The following PEX14 variants were observed in gnomAD, a reference collection of about 807,000 sequenced individuals.
PEX14 encodes peroxisomal membrane protein PEX14.
Under a neutral mutation model 49.5 loss-of-function variants are expected in PEX14, and 15 were observed. The observed-to-expected ratio is 0.30, with a 90% CI of 0.20 to 0.47. PEX14 has a LOEUF of 0.47. Among genes scored for constraint, PEX14 ranks in the 20% least tolerant of loss-of-function variants. The pLI is 1.00. For synonymous variants in PEX14, 210 were observed against 212.7 expected, an observed-to-expected ratio of 0.99 and a Z score of 0.11; for missense variants, 398 against 494.8, an observed-to-expected ratio of 0.80 and a Z score of 1.86.
chr1:10,614,754 CT>C (rs1438636983), intron 4 of PEX14, among the ~76,000 whole-genome samples: 1 of 152,204 alleles, frequency 6.6e-6, no homozygotes, highest in African/African-American at 2.4e-5. Flanking sequence ...AGGATTTTGG[CT>C]GCAGGGAGGG....
At chr1:10,542,655 C>T (rs936143954) in intron 3 of PEX14, among the ~76,000 whole-genome samples, 2 of 151,912 alleles carry the variant, frequency 1.3e-5, no homozygotes, top group African/African-American at 2.4e-5. Flanking sequence ...CAGCTACTCG[C>T]GAGGCTGAGG....
chr1:10,618,425 AC>A lies in PEX14; in HGVS notation c.384+13del. On this transcript the variant is annotated intron_variant, in intron 5 of 8. Coordinates refer to ENST00000356607, the MANE Select transcript of PEX14 (RefSeq NM_004565.3). ...TTTCACCAGCTCTACAAGGTGAGTC[AC>A]CCCCAGCGGCTGCAGGTGCTGTGCC... is the stretch of plus-strand genomic sequence containing the variant. 1.9e-6 allele frequency: 3 copies of A among 1,606,976 alleles called. No individual in the cohort carries two copies. Among genetic ancestry groups the A allele is most frequent in the Non-Finnish European group, 2.6e-6 (3 of 1,174,524 alleles).
At chr1:10,562,112 C>T (rs1197922881) in intron 3 of PEX14, among the ~76,000 whole-genome samples, 1 of 152,084 alleles carries the variant, frequency 6.6e-6, no homozygotes, top group African/African-American at 2.4e-5. Flanking sequence ...GTCTTGAACT[C>T]CTGGTCTTTA....
At chr1:10,611,028 C>CTTGAGGTCAGGAGT in intron 4 of PEX14, among the ~76,000 whole-genome samples, 1 of 152,094 alleles carries the variant, frequency 6.6e-6, no homozygotes, top group South Asian at 2.1e-4. Flanking sequence ...GGGTGGATCA[C>CTTGAGGTCAGGAGT]TTGAGGTCAG....
At position 10,533,258 on chromosome 1, in the gene PEX14, T is replaced by C. The variant is rs561339848; in HGVS notation, c.85-2955T>C. ...GATGTCGATGCTGTTAAATATGTGA[T>C]TTGCCTGTCGCCTGCATTTTCAGAC... On this transcript the variant is annotated intron_variant, in intron 2 of 8. Transcript: ENST00000356607. Among the ~76,000 whole-genome samples, 5 of 152,168 alleles carry C rather than the reference T, an allele frequency of 3.3e-5. No individual in the cohort carries two copies. The South Asian group carries it at 8.3e-4, about 25-fold the overall frequency.
rs566034589 is a variant in PEX14, at chr1:10,581,906, A to G, written c.170-17332A>G. Among the ~76,000 whole-genome samples, 29 of 151,848 alleles carry G rather than the reference A, an allele frequency of 1.9e-4. 1 individual carries two copies. In the South Asian group the frequency reaches 6.0e-3, roughly 32 times the overall value. ...TAATTTTATATTTCTCATGGCTATT[A>G]TGAAAGGAATTTCTCTTCATTTTAT... On this transcript the variant is annotated intron_variant, in intron 3 of 8. Coordinates refer to ENST00000356607, the MANE Select transcript of PEX14 (RefSeq NM_004565.3).
intron 3 of PEX14, among the ~76,000 whole-genome samples, chr1:10,542,926 A>G (rs1418462364): frequency 6.6e-6 from 1 of 152,206 alleles, no homozygotes; most frequent in Non-Finnish European, 1.5e-5. Context: ...GCATTTTTGC[A>G]TATGGTAAGC....
At chr1:10,527,784 A>G (rs2039175) in intron 2 of PEX14, among the ~76,000 whole-genome samples, 102,028 of 151,708 alleles carry the variant, frequency 0.67, 36,894 homozygotes, top group Non-Finnish European at 0.81. Context: ...AGTAATTCTC[A>G]TGCCTCAGCC....
intron 4 of PEX14, among the ~76,000 whole-genome samples, chr1:10,610,374 C>CAT: frequency 2.1e-5 from 1 of 47,434 alleles, no homozygotes; most frequent in African/African-American, 8.8e-5. Flanking sequence ...TATATATATA[C>CAT]ACACACACAC....
chr1:10,569,719 G>C (rs889025743), intron 3 of PEX14, among the ~76,000 whole-genome samples: 11 of 152,146 alleles, frequency 7.2e-5, no homozygotes, highest in Middle Eastern at 3.4e-3. Flanking sequence ...AGGTTGGCTG[G>C]GTTTAGAATT....
chr1:10,533,803 C>T (rs1384276447), intron 2 of PEX14, among the ~76,000 whole-genome samples: 5 of 152,104 alleles, frequency 3.3e-5, no homozygotes, highest in African/African-American at 1.2e-4. Flanking sequence ...ATTGCATTGT[C>T]CGATGGATCC....
intron 4 of PEX14, among the ~76,000 whole-genome samples, chr1:10,610,868 C>A (rs1641260696): frequency 6.6e-6 from 1 of 152,162 alleles, no homozygotes; most frequent in Admixed American, 6.5e-5. Flanking sequence ...ACCTTTTTCT[C>A]TTCTCCCTTC....
At chr1:10,533,122 A>C (rs964362218) in intron 2 of PEX14, among the ~76,000 whole-genome samples, 3 of 151,790 alleles carry the variant, frequency 2.0e-5, no homozygotes, top group African/African-American at 7.3e-5. Context: ...AAGAGGAGAG[A>C]GGTTTTCATA....
intron 3 of PEX14, among the ~76,000 whole-genome samples, chr1:10,559,670 C>T (rs189820074): frequency 3.3e-5 from 5 of 152,130 alleles, no homozygotes; most frequent in East Asian, 3.9e-4. Context: ...AGTTTTTGGC[C>T]GAAAGAGTAA....
rs1570329467 is a variant in PEX14, at chr1:10,599,153, A to C, written c.170-85A>C. 7 of 1,390,248 alleles carry C rather than the reference A, an allele frequency of 5.0e-6. No individual in the cohort carries two copies. The East Asian group carries it at 1.6e-4, about 32-fold the overall frequency. 86.1% of individuals were successfully genotyped at this position (1,390,248 alleles called of 1,614,324 possible). A position where few individuals can be genotyped will look rare whatever the true frequency, so the allele number is the denominator to read the frequency against. ...GGATGCGAGGCATTCTGTGGCTGTA[A>C]AGGTCTTTGCTCAGTGAAGATTCTG... On this transcript the variant is annotated intron_variant, in intron 3 of 8. Coordinates refer to ENST00000356607, the MANE Select transcript of PEX14 (RefSeq NM_004565.3).
At chr1:10,583,402 T>TA (rs146183048) in intron 3 of PEX14, among the ~76,000 whole-genome samples, 32 of 142,948 alleles carry the variant, frequency 2.2e-4, no homozygotes, top group East Asian at 8.4e-4. Context: ...TTTTTTTTTT[T>TA]AAAAAGGTGA....
In PEX14 at chr1:10,629,439, G is replaced by A. The variant is rs1035732691; in HGVS notation, c.678-92G>A. On this transcript the variant is annotated intron_variant, in intron 8 of 8. Transcript: ENST00000356607. The surrounding 1 kb of genome is among the most constrained non-coding windows in gnomAD (Gnocchi z 8.5). ...GTCCCTGGGGGAGCAGCTCACCATC[G>A]CCGAGCCCTTGCGGGTCAGGGAAGG... 15 of 855,276 alleles carry A rather than the reference G, an allele frequency of 1.8e-5. No homozygotes were observed. Among genetic ancestry groups the A allele is most frequent in the South Asian group, 4.3e-5 (3 of 70,102 alleles). 53.0% of individuals were successfully genotyped at this position (855,276 alleles called of 1,614,324 possible).
At chr1:10,624,209 C>A in intron 6 of PEX14, 131 bp from the exon 7 acceptor site, 1 of 764,312 alleles carries the variant, frequency 1.3e-6, no homozygotes, top group African/African-American at 1.7e-5. Flanking sequence ...AGATGGATTG[C>A]GGGGGCTGGG....
At chr1:10,625,749 C>T (rs1258597514) in intron 7 of PEX14, among the ~76,000 whole-genome samples, 2 of 152,234 alleles carry the variant, frequency 1.3e-5, no homozygotes, top group African/African-American at 4.8e-5. Context: ...AGAAGCCATT[C>T]CGGAAATTGG....
Sources: gnomAD v4.1 joint callset for allele counts (sites outside exome capture counted in the v4.1 genomes callset) on GRCh38, gnomAD v4.1.1 for gene constraint, Gnocchi (gnomAD v3.1) non-coding constraint, MANE v1.5 for transcripts, NCBI Gene and HGNC (gene_info 2026-07-23, HGNC 2026-07-21) for gene names.